The following GLYR1 variants were observed in gnomAD, a reference collection of about 807,000 sequenced individuals.
GLYR1 encodes glyoxylate reductase 1 homolog, also known as cytokine-like nuclear factor N-PAC.
GLYR1 carries 21 observed loss-of-function variants against 72.7 expected under a neutral mutation model. The ratio of observed to expected loss-of-function variants is 0.29; its 90% CI spans 0.20 to 0.42. The LOEUF (loss-of-function observed/expected upper bound fraction) is 0.42. Among genes scored for constraint, GLYR1 ranks in the 10% least tolerant of loss-of-function variants. The pLI is 1.00. For missense variants in GLYR1, 594 were observed against 712.1 expected (o/e 0.83, Z 1.89); for synonymous variants, 392 against 270.2 (o/e 1.45, Z -4.42).
chr16:4,805,449 C>T, intron 15 of GLYR1, 139 bp from the exon 16 acceptor site: 2 of 715,392 alleles, frequency 2.8e-6, no homozygotes, highest in South Asian at 1.6e-5. Context: ...CCTGTGTTGA[C>T]CTTGCATGAA....
intron 1 of GLYR1, 196 bp downstream of exon 1, chr16:4,847,032 G>A: frequency 1.8e-6 from 1 of 570,824 alleles, no homozygotes; most frequent in Non-Finnish European, 3.1e-6. Context: ...GCCCGACGTG[G>A]CCACCCTCGG....
intron 9 of GLYR1, among the ~76,000 whole-genome samples, chr16:4,818,958 C>T (rs2141978272): frequency 6.6e-6 from 1 of 152,290 alleles, no homozygotes; most frequent in Middle Eastern, 3.4e-3. Context: ...TTCACATACT[C>T]CGCCTGCTCC....
At position 4,804,904 on chromosome 16, in the gene GLYR1, C is replaced by T; in HGVS notation, c.*332G>A. 3.0e-6 allele frequency: 1 copy of T among 331,892 alleles called. No homozygotes were observed. The highest frequency in any genetic ancestry group is 6.8e-5 in the South Asian group (1 of 14,718). The allele number at this position is 331,892 out of a possible 1,614,324, so 20.6% of individuals were successfully genotyped here. A position where few individuals can be genotyped will look rare whatever the true frequency, so the allele number is the denominator to read the frequency against. On this transcript the variant is annotated 3_prime_UTR_variant, in exon 16 of 16. Coordinates refer to ENST00000321919, the MANE Select transcript of GLYR1 (RefSeq NM_032569.4). ...AAGAAAAAAAGCCAGGCAGCAGTTT[C>T]TGGGCAGCTTCTATCCTGGGGCGAG...
At chr16:4,823,040 C>T (rs897295069) in intron 6 of GLYR1, 109 bp from the exon 7 acceptor site, 5 of 894,306 alleles carry the variant, frequency 5.6e-6, no homozygotes, top group Non-Finnish European at 9.2e-6. Flanking sequence ...GGATTCTGGT[C>T]TCTTTTTCAC....
At chr16:4,822,774 C>A (rs1179591504) in intron 7 of GLYR1, 101 bp downstream of exon 7, 3 of 967,210 alleles carry the variant, frequency 3.1e-6, no homozygotes, top group East Asian at 2.4e-5. Context: ...GGCAATACAC[C>A]GGCAGAGCCT....
chr16:4,844,323 C>G (rs948404631), intron 3 of GLYR1, among the ~76,000 whole-genome samples: 1 of 152,050 alleles, frequency 6.6e-6, no homozygotes, highest in African/African-American at 2.4e-5. Flanking sequence ...AAAAGACTTA[C>G]TATAACAATG....
In GLYR1 at chr16:4,814,594, G is replaced by A. The variant is rs773193335; in HGVS notation, c.960C>T (p.Val320=). Residue 320 remains valine (V), a synonymous_variant, in exon 11 of 16, where the codon GTC becomes GTT. Coordinates refer to ENST00000321919, the MANE Select transcript of GLYR1 (RefSeq NM_032569.4). ...GARLGRTPAE[V]VSTCDITFAC... is the part of the protein sequence containing the mutation. ...CGAAAGTGATGTCGCAGGTTGAGACGACTTCAGCGGGGGTTCTTCCCAGAC... is the reference window on the plus strand; with the variant it reads ...CGAAAGTGATGTCGCAGGTTGAGACAACTTCAGCGGGGGTTCTTCCCAGAC... 51 of 1,614,034 alleles carry A rather than the reference G, an allele frequency of 3.2e-5. No homozygotes were observed. The highest frequency in any genetic ancestry group is 5.0e-5 in the Admixed American group (3 of 60,000).
chr16:4,805,888 G>T (rs1213286815), intron 15 of GLYR1, among the ~76,000 whole-genome samples: 2 of 152,142 alleles, frequency 1.3e-5, no homozygotes, highest in Non-Finnish European at 2.9e-5. Flanking sequence ...GGTTGAGGCA[G>T]GAGAATAGCT....
intron 5 of GLYR1, among the ~76,000 whole-genome samples, chr16:4,827,059 C>T (rs982678917): frequency 5.9e-5 from 9 of 152,206 alleles, no homozygotes; most frequent in Admixed American, 2.6e-4. Flanking sequence ...GGTAGGTGGG[C>T]GCTGCTGGGG....
At position 4,805,021 on chromosome 16, in the gene GLYR1, C is replaced by T. The variant is rs2082889171; in HGVS notation, c.*215G>A. ...GGCCAGTGCCCAGCTCAAGAGCTTT[C>T]CCACACGCCAATCCTGCTGACACTT... On this transcript the variant is annotated 3_prime_UTR_variant, in exon 16 of 16. Coordinates refer to ENST00000321919, the MANE Select transcript of GLYR1 (RefSeq NM_032569.4). 3.4e-6 allele frequency: 2 copies of T among 590,072 alleles called. No homozygotes were observed. The highest frequency in any genetic ancestry group is 3.9e-5 in the South Asian group (2 of 51,156). The allele number at this position is 590,072 out of a possible 1,614,324, so 36.6% of individuals were successfully genotyped here.
chr16:4,844,106 T>G lies in GLYR1; in HGVS notation c.155+968A>C, dbSNP rs1337553956. Among the ~76,000 whole-genome samples the G allele has an allele frequency of 2.9e-5, 3 of 105,176 alleles. No homozygotes were observed. In the East Asian group the frequency reaches 7.8e-4, roughly 27 times the overall value. 69.0% of individuals were successfully genotyped at this position (105,176 alleles called of 152,430 possible). A position where few individuals can be genotyped will look rare whatever the true frequency, so the allele number is the denominator to read the frequency against. ...TCCAGCCTGGGTGACAGAGTGAAAC[T>G]CCATCTCAAAAAAAAAAAAAAAAAA... On this transcript the variant is annotated intron_variant, in intron 3 of 15. Coordinates refer to ENST00000321919, the MANE Select transcript of GLYR1 (RefSeq NM_032569.4).
chr16:4,844,113 C>CA (rs1190119741), intron 3 of GLYR1, among the ~76,000 whole-genome samples: 4,814 of 68,816 alleles, frequency 0.07, 106 homozygotes, highest in Middle Eastern at 0.17. Context: ...AACTCCATCT[C>CA]AAAAAAAAAA....
At chr16:4,809,754 T>C (rs2083219525) in intron 15 of GLYR1, among the ~76,000 whole-genome samples, 1 of 151,506 alleles carries the variant, frequency 6.6e-6, no homozygotes, top group African/African-American at 2.4e-5. Flanking sequence ...TGAAACCTCA[T>C]CTCTACTAAA....
At chr16:4,825,858 T>G (rs997857844) in intron 5 of GLYR1, among the ~76,000 whole-genome samples, 1 of 152,012 alleles carries the variant, frequency 6.6e-6, no homozygotes, top group African/African-American at 2.4e-5. Context: ...TTCACCATGT[T>G]AGCCAGGATG....
At chr16:4,806,722 C>A (rs1474811037) in intron 15 of GLYR1, among the ~76,000 whole-genome samples, 1 of 151,518 alleles carries the variant, frequency 6.6e-6, no homozygotes, top group African/African-American at 2.4e-5. Flanking sequence ...ATTTATACCG[C>A]AATCTGTAGA....
intron 15 of GLYR1, among the ~76,000 whole-genome samples, chr16:4,807,788 CA>C (rs1254889917): frequency 6.6e-6 from 1 of 152,050 alleles, no homozygotes; most frequent in Non-Finnish European, 1.5e-5. Context: ...GAGCTTTCAT[CA>C]AAAAAGACTT....
In GLYR1 at chr16:4,812,089, G is replaced by C. The variant is rs1053648361; in HGVS notation, c.1279C>G (p.Leu427Val). Reference protein sequence around the residue: ...FQAMGKTSFFLGEVGNAAKMM... With the variant: ...FQAMGKTSFFVGEVGNAAKMM... ...CTGACAGGTGCAGGCGTGTTACCTAGGAAGAAGGAGGTCTTCCCCATCGCC... is the reference window on the plus strand; with the variant it reads ...CTGACAGGTGCAGGCGTGTTACCTACGAAGAAGGAGGTCTTCCCCATCGCC... The change falls in exon 13 of 16, where the codon CTA becomes GTA. Residue 427 changes from leucine to valine, a missense_variant. Around this residue, in one of 5 missense-constraint regions of GLYR1, gnomAD observed 266 missense variants for 358.4 expected, o/e 0.74. Coordinates refer to ENST00000321919, the MANE Select transcript of GLYR1 (RefSeq NM_032569.4). 9.3e-6 allele frequency: 15 copies of C among 1,613,320 alleles called. No homozygotes were observed. The highest frequency in any genetic ancestry group is 1.3e-5 in the African/African-American group (1 of 75,060).
chr16:4,818,818 C>G (rs570002409), intron 9 of GLYR1, among the ~76,000 whole-genome samples: 1 of 152,256 alleles, frequency 6.6e-6, no homozygotes, highest in Non-Finnish European at 1.5e-5. Context: ...CAATCTTTCC[C>G]AGTCCACAAA....
chr16:4,807,668 A>G (rs1430615941), intron 15 of GLYR1, among the ~76,000 whole-genome samples: 4 of 152,230 alleles, frequency 2.6e-5, no homozygotes, highest in Middle Eastern at 3.2e-3. Flanking sequence ...TCTGCTTCCA[A>G]GCCAATGAAT....
Sources: gnomAD v4.1 joint callset for allele counts (sites outside exome capture counted in the v4.1 genomes callset) on GRCh38, gnomAD v4.1.1 for gene constraint, gnomAD v4.1.1 regional missense constraint, MANE v1.5 for transcripts, NCBI Gene and HGNC (gene_info 2026-07-23, HGNC 2026-07-21) for gene names.